Variants in BTBD8 observed in about 807,000 individuals in gnomAD.
BTBD8 encodes BTB/POZ domain-containing protein 8.
BTBD8 carries 110 observed loss-of-function variants against 162.9 expected under a neutral mutation model. That is an observed-to-expected ratio of 0.68 (90% CI 0.58 to 0.79). The LOEUF (loss-of-function observed/expected upper bound fraction) is 0.79, where lower values mean the gene tolerates loss of function less well. Ranked by LOEUF, BTBD8 falls within the 30% of genes least tolerant of loss-of-function variation. BTBD8 has a pLI of 0.00. For missense variants in BTBD8, 1,905 were observed against 2,085.4 expected, an observed-to-expected ratio of 0.91 and a Z score of 1.68; for synonymous variants, 667 against 716.1, an observed-to-expected ratio of 0.93 and a Z score of 1.10.
rs1648226945 is a variant in BTBD8 at position 92,088,863 on chromosome 1, T to A, written c.315T>A (p.Asn105Lys). 6.2e-7 allele frequency: 1 copy of A among 1,611,942 alleles called. No homozygotes were observed. Among genetic ancestry groups the A allele is most frequent in the African/African-American group, 1.3e-5 (1 of 75,030 alleles). The change falls in exon 2 of 18, where the codon AAT (asparagine) becomes AAA (lysine). Residue 105 changes from asparagine to lysine, a missense_variant. Physicochemically the swap from Asn to Lys is moderately conservative, Grantham distance 94. Transcript: ENST00000636805. Reference sequence around the variant, plus strand: ...ATCAGGAGCCTATTGCTGTGGAGAATGTTGAAGCTTTAGAATTTAGAACGT... The same window carrying A: ...ATCAGGAGCCTATTGCTGTGGAGAAAGTTGAAGCTTTAGAATTTAGAACGT... ...LTNQEPIAVE[N>K]VEALEFRTFL... is the part of the protein sequence containing the mutation.
intron 2 of BTBD8, among the ~76,000 whole-genome samples, chr1:92,096,153 T>G (rs1043359832): frequency 1.3e-5 from 2 of 152,152 alleles, no homozygotes; most frequent in Non-Finnish European, 1.5e-5. Context: ...GTGTTTTTAG[T>G]AGAAACGGGT....
Position 92,184,530 on chromosome 1 carries a change from A to G in BTBD8, c.*200A>G. 1 of 413,204 alleles carries G rather than the reference A, an allele frequency of 2.4e-6. No homozygotes were observed. The highest frequency in any genetic ancestry group is 5.6e-5 in the South Asian group (1 of 17,992). The allele number at this position is 413,204 out of a possible 1,614,324, so 25.6% of individuals were successfully genotyped here. ...TAAAGTTTTTGAGCATGTTTTCTCT[A>G]ATTATTAGAGAAATTAGAAGACTTA... On this transcript the variant is annotated 3_prime_UTR_variant, in exon 18 of 18. Transcript: ENST00000636805.
rs1401856529 is a variant in BTBD8, at chr1:92,182,274, T to G, written c.4591T>G (p.Ser1531Ala). The G allele has an allele frequency of 1.3e-6, 2 of 1,551,196 alleles. No homozygotes were observed. The highest frequency in any genetic ancestry group is 1.7e-6 in the Non-Finnish European group (2 of 1,146,888). Residue 1531 changes from serine (S) to alanine (A), a missense_variant, in exon 17 of 18, where the codon TCA (serine) becomes GCA (alanine). Ser to Ala is a moderately conservative substitution (Grantham distance 99). Coordinates refer to ENST00000636805, the MANE Select transcript of BTBD8 (RefSeq NM_001376131.1). ...TTCAAGAAAAAATAAACAGAGTGTT[T>G]CAGCCACAGAAAAAAAGAACACAAT... Reference protein sequence around the residue: ...DSSRKNKQSVSATEKKNTIDV... With the variant: ...DSSRKNKQSVAATEKKNTIDV...
chr1:92,114,139 T>TA (rs893622652), intron 4 of BTBD8, among the ~76,000 whole-genome samples: 10 of 151,716 alleles, frequency 6.6e-5, no homozygotes, highest in African/African-American at 1.5e-4. Flanking sequence ...AAATAATTGT[T>TA]AAAAAAAACA....
intron 9 of BTBD8, among the ~76,000 whole-genome samples, chr1:92,148,874 G>A (rs1649984948): frequency 6.6e-6 from 1 of 152,174 alleles, no homozygotes; most frequent in South Asian, 2.1e-4. Context: ...AGGAAATTGA[G>A]TTGCTACTAT....
intron 2 of BTBD8, among the ~76,000 whole-genome samples, chr1:92,093,846 C>T (rs1648381396): frequency 6.6e-6 from 1 of 152,122 alleles, no homozygotes; most frequent in Non-Finnish European, 1.5e-5. Context: ...GTAGTAGGTG[C>T]TATGAAATTA....
chr1:92,096,230 A>G (rs962314918), intron 2 of BTBD8, among the ~76,000 whole-genome samples: 4 of 152,138 alleles, frequency 2.6e-5, no homozygotes, highest in Non-Finnish European at 5.9e-5. Flanking sequence ...CAGCTTCCCA[A>G]AGTGCTGGGA....
chr1:92,087,083 A>G (rs1458769622), intron 1 of BTBD8, among the ~76,000 whole-genome samples: 3 of 152,240 alleles, frequency 2.0e-5, no homozygotes, highest in Non-Finnish European at 2.9e-5. Context: ...AAGCCAGTCT[A>G]AGTCAGATTT....
chr1:92,180,656 C>G lies in BTBD8; in HGVS notation c.2973C>G (p.Leu991=). Residue 991 remains leucine, a synonymous_variant, in exon 17 of 18, where the codon CTC becomes CTG. Transcript: ENST00000636805. ...SVSEQKPHKP[L]INLASEISDA... ...CTGAACAGAAGCCTCACAAACCTCT[C>G]ATTAATCTTGCATCTGAAATAAGTG... 1.3e-6 allele frequency: 2 copies of G among 1,551,326 alleles called. No individual in the cohort carries two copies. Among genetic ancestry groups the G allele is most frequent in the South Asian group, 2.4e-5 (2 of 83,970 alleles).
rs1191754016 is a variant in BTBD8 at position 92,177,463 on chromosome 1, C to A, written c.2270C>A (p.Pro757His). 1.3e-6 allele frequency: 2 copies of A among 1,551,586 alleles called. No individual in the cohort carries two copies. The highest frequency in any genetic ancestry group is 3.9e-5 in the Admixed American group (2 of 50,998). ...KENGSTEEEK[P>H]SGHKLSFCDS... ...AATGGATCAACAGAAGAAGAAAAGC[C>A]TTCTGGACATAAACTATCCTTTTGT... Residue 757 changes from proline (P) to histidine (H), a missense_variant, in exon 14 of 18, where the codon CCT becomes CAT. This residue lies in a region of BTBD8 where 1,374 missense variants were observed against 1,442.7 expected (regional missense o/e 0.95). Coordinates refer to ENST00000636805, the MANE Select transcript of BTBD8 (RefSeq NM_001376131.1).
chr1:92,166,841 C>A, intron 9 of BTBD8, 117 bp from the exon 10 acceptor site: 3 of 962,118 alleles, frequency 3.1e-6, no homozygotes, highest in East Asian at 2.7e-5. Flanking sequence ...CATTAGCTAC[C>A]TGGAATTTTG....
At chr1:92,104,985 G>C (rs1446883299) in intron 3 of BTBD8, among the ~76,000 whole-genome samples, 6 of 150,524 alleles carry the variant, frequency 4.0e-5, no homozygotes, top group Non-Finnish European at 8.8e-5. Flanking sequence ...AGGCTGGAGT[G>C]CCGTGGCACA....
intron 1 of BTBD8, among the ~76,000 whole-genome samples, chr1:92,081,602 C>T (rs1648014659): frequency 6.6e-6 from 1 of 151,880 alleles, no homozygotes; most frequent in African/African-American, 2.4e-5. Flanking sequence ...GAGACGGAGT[C>T]TCGCTCTGTC....
chr1:92,091,401 G>A (rs536632849), intron 2 of BTBD8, among the ~76,000 whole-genome samples: 3 of 152,072 alleles, frequency 2.0e-5, no homozygotes, highest in Non-Finnish European at 4.4e-5. Context: ...TATAAATTAC[G>A]CTGTCTCAGG....
chr1:92,100,831 G>A (rs1383341376), intron 2 of BTBD8, among the ~76,000 whole-genome samples: 1 of 152,058 alleles, frequency 6.6e-6, no homozygotes. Flanking sequence ...GGCTGGTCTC[G>A]AACTCCTGAC....
chr1:92,104,583 A>C (rs1268266108), intron 3 of BTBD8, among the ~76,000 whole-genome samples: 1 of 152,190 alleles, frequency 6.6e-6, no homozygotes, highest in Non-Finnish European at 1.5e-5. Flanking sequence ...TAAAATGGCC[A>C]TATAAGTTGT....
chr1:92,120,902 A>G (rs1043951258), intron 4 of BTBD8, among the ~76,000 whole-genome samples: 1 of 152,168 alleles, frequency 6.6e-6, no homozygotes, highest in Non-Finnish European at 1.5e-5. Flanking sequence ...AACTGGGATT[A>G]TAGACGTGCA....
intron 4 of BTBD8, among the ~76,000 whole-genome samples, chr1:92,121,953 A>G (rs1158480235): frequency 6.6e-6 from 1 of 151,688 alleles, no homozygotes; most frequent in Non-Finnish European, 1.5e-5. Flanking sequence ...CTACAGGCAC[A>G]CACTACTACT....
At chr1:92,086,773 C>G (rs1276939233) in intron 1 of BTBD8, among the ~76,000 whole-genome samples, 16 of 152,182 alleles carry the variant, frequency 1.1e-4, no homozygotes, top group Admixed American at 9.8e-4. Flanking sequence ...TTCTTGCTCC[C>G]TTTTATCCTC....
Sources: allele counts gnomAD v4.1 joint callset (sites outside exome capture counted in the v4.1 genomes callset), GRCh38; gene constraint gnomAD v4.1.1; regional missense constraint gnomAD v4.1.1; transcripts MANE v1.5; gene names NCBI Gene and HGNC (gene_info 2026-07-23, HGNC 2026-07-21).